Variants in TTN observed in about 807,000 individuals in gnomAD.
TTN encodes the protein connectin.
In TTN, 1,525 loss-of-function variants were observed where a neutral mutation model predicts 3,223.0. The ratio of observed to expected loss-of-function variants is 0.47; its 90% CI spans 0.45 to 0.49. The LOEUF is 0.49. Among genes scored for constraint, TTN ranks in the 20% least tolerant of loss-of-function variants. The pLI is 0.00. For synonymous variants in TTN, 14,094 were observed against 15,161.0 expected (o/e 0.93, Z 5.17); for missense variants, 40,786 against 43,424.0 (o/e 0.94, Z 5.40).
In TTN at chr2:178,800,438, A is replaced by G. The variant is rs547983866; in HGVS notation, c.540T>C (p.Asn180=). The G allele has an allele frequency of 6.2e-7, 1 of 1,614,124 alleles. No individual in the cohort carries two copies. Among genetic ancestry groups the G allele is most frequent in the Non-Finnish European group, 8.5e-7 (1 of 1,179,992 alleles). The change falls in exon 4 of 363, where the codon AAT becomes AAC. Residue 180 remains asparagine (N), a synonymous_variant. Coordinates refer to ENST00000589042, the MANE Select transcript of TTN (RefSeq NM_001267550.2). The part of the protein sequence containing the change: ...DSGTYSVNAT[N]SVGRATSTAE... ...CAGTCGAAGTAGCTCTTCCAACGCT[A>G]TTGGTGGCATTTACTGAATAGGTCC...
chr2:178,538,195 C>T (rs1692545578), intron 354 of TTN: 1 of 479,150 alleles, frequency 2.1e-6, no homozygotes, highest in African/African-American at 2.0e-5. Flanking sequence ...TGTAAATTCT[C>T]TCTATAATTC....
chr2:178,529,928 A>G (rs1176751047), intron 359 of TTN, 32 bp downstream of exon 359: 1 of 1,573,324 alleles, frequency 6.4e-7, no homozygotes, highest in Non-Finnish European at 8.6e-7. Flanking sequence ...TATCTTCTGA[A>G]GAAATGTGGG....
intron 189 of TTN, 73 bp from the exon 190 acceptor site, chr2:178,655,068 CA>C: frequency 9.0e-6 from 4 of 445,376 alleles, no homozygotes; most frequent in Non-Finnish European, 1.5e-5. Context: ...AGCAGCACAT[CA>C]AAAAGCTTAT....
chr2:178,544,013 G>A lies in TTN; in HGVS notation c.96131C>T (p.Pro32044Leu). The A allele has an allele frequency of 1.2e-6, 2 of 1,613,674 alleles. No homozygotes were observed. The change falls in exon 346 of 363, where the codon CCT (proline) becomes CTT (leucine). Residue 32044 changes from proline to leucine, a missense_variant. Physicochemically the swap from Pro to Leu is moderately conservative, Grantham distance 98 (BLOSUM62 -3). Coordinates refer to ENST00000589042, the MANE Select transcript of TTN (RefSeq NM_001267550.2). ...LMVSVSGRPP[P>L]VITWSKQGID... is the part of the protein sequence containing the mutation. ...GCCCTGCTTGCTCCACGTTATGACA[G>A]GAGGTGGTCTTCCAGATACAGACAC...
intron 112 of TTN, among the ~76,000 whole-genome samples, chr2:178,698,107 C>A (rs1346057786): frequency 6.6e-6 from 1 of 152,118 alleles, no homozygotes; most frequent in African/African-American, 2.4e-5. Context: ...ATGGATAGAA[C>A]TGGAGATTAT....
chr2:178,618,627 G>T lies in TTN; in HGVS notation c.46923C>A (p.Asn15641Lys). The T allele has an allele frequency of 6.2e-7, 1 of 1,612,290 alleles. No homozygotes were observed. The highest frequency in any genetic ancestry group is 8.5e-7 in the Non-Finnish European group (1 of 1,179,010). ...DKGRYKIVLQ[N>K]KHGKAEGFIN... The stretch of plus-strand genomic sequence containing the variant: ...TGAATCCTTCTGCTTTTCCATGTTT[G>T]TTCTGAAGCACAATTTTATACCTCC... The change falls in exon 251 of 363, where the codon AAC (asparagine) becomes AAA (lysine). Residue 15641 changes from asparagine (N) to lysine (K), a missense_variant. Asn to Lys is a moderately conservative substitution (Grantham distance 94, BLOSUM62 0). Transcript: ENST00000589042.
In TTN at chr2:178,733,835, A is replaced by T; in HGVS notation, c.15554T>A (p.Val5185Asp). Reference protein sequence around the residue: ...DDLIALGGQTVTLQAAVRGSE... With the variant: ...DDLIALGGQTDTLQAAVRGSE... ...CCCTCTCACAGCAGCTTGCAGGGTA[A>T]CGGTTTGTCCTCCTAGTGCAATCAA... Residue 5185 changes from valine (V) to aspartate (D), a missense_variant, in exon 53 of 363, where the codon GTT becomes GAT. By Grantham distance (152) the Val-to-Asp change is radical. Transcript: ENST00000589042. The T allele has an allele frequency of 6.2e-7, 1 of 1,613,614 alleles. No homozygotes were observed. Among genetic ancestry groups the T allele is most frequent in the Non-Finnish European group, 8.5e-7 (1 of 1,179,616 alleles).
intron 162 of TTN, 114 bp from the exon 163 acceptor site, chr2:178,667,015 G>T (rs2066068115): frequency 3.1e-6 from 3 of 954,704 alleles, no homozygotes; most frequent in Non-Finnish European, 3.0e-6. Context: ...TGTTAGAAAT[G>T]TTATTTTTGT....
intron 320 of TTN, 29 bp from the exon 321 acceptor site, chr2:178,578,744 A>G: frequency 1.2e-6 from 2 of 1,604,312 alleles, no homozygotes; most frequent in Non-Finnish European, 1.7e-6. Flanking sequence ...TGCAAGATTT[A>G]TAATAAGAAG....
chr2:178,576,251 G>A lies in TTN; in HGVS notation c.69881C>T (p.Thr23294Ile). 1 of 1,612,090 alleles carries A rather than the reference G, an allele frequency of 6.2e-7. No individual in the cohort carries two copies. Among genetic ancestry groups the A allele is most frequent in the Middle Eastern group, 1.7e-4 (1 of 6,036 alleles). The part of the protein sequence containing the change: ...DEAWIKDTTG[T>I]ALRITQFVVP... Reference sequence around the variant, plus strand: ...AACGAACTGAGTGATTCTGAGGGCGGTTCCTGTGGTATCTTTTATCCAGGC... The same window carrying A: ...AACGAACTGAGTGATTCTGAGGGCGATTCCTGTGGTATCTTTTATCCAGGC... Residue 23294 changes from threonine (T) to isoleucine (I), a missense_variant, in exon 326 of 363, where the codon ACC becomes ATC. Coordinates refer to ENST00000589042, the MANE Select transcript of TTN (RefSeq NM_001267550.2). This position sits in a 1 kb window ranked among gnomAD's most constrained non-coding sequence, Gnocchi z 4.3.
Position 178,799,547 on chromosome 2 carries a change from G to A in TTN, c.854C>T (p.Pro285Leu). The change falls in exon 6 of 363, where the codon CCC becomes CTC. Residue 285 changes from proline (P) to leucine (L), a missense_variant. Pro to Leu is a moderately conservative substitution (Grantham distance 98). Transcript: ENST00000589042. ...GACCGGGGAAGGGGAGTGTCTTATG[G>A]GCGATGGGGACTGCTGCCGAGCCAG... Reference protein sequence around the residue: ...AQLARQQSPSPIRHSPSPVRH... With the variant: ...AQLARQQSPSLIRHSPSPVRH... The A allele has an allele frequency of 2.5e-6, 4 of 1,614,174 alleles. No homozygotes were observed. Among genetic ancestry groups the A allele is most frequent in the Non-Finnish European group, 3.4e-6 (4 of 1,180,010 alleles).
rs1247053411 is a variant in TTN, at chr2:178,731,602, C to A, written c.17183-19G>T. 6.3e-7 allele frequency: 1 copy of A among 1,580,812 alleles called. No homozygotes were observed. The highest frequency in any genetic ancestry group is 8.6e-7 in the Non-Finnish European group (1 of 1,164,106). ...GGGGGTTCTAACAGAAGAATGAATT[C>A]TCAATCAATATTATCCCTATAGCAA... On this transcript the variant is annotated intron_variant, in intron 58 of 362. Coordinates refer to ENST00000589042, the MANE Select transcript of TTN (RefSeq NM_001267550.2).
chr2:178,599,004 A>G lies in TTN; in HGVS notation c.56706T>C (p.Thr18902=), dbSNP rs1263805001. ...CATATTCTGGCTCTTCCCAGTTGAC[A>G]GTCATGGAGTTACGAGTCACGCTGC... ...TVSSVTRNSM[T]VNWEEPEYDG... Residue 18902 remains threonine (T), a synonymous_variant, in exon 291 of 363, where the codon ACT becomes ACC. Coordinates refer to ENST00000589042, the MANE Select transcript of TTN (RefSeq NM_001267550.2). 5.6e-6 allele frequency: 9 copies of G among 1,606,944 alleles called. No homozygotes were observed. The highest frequency in any genetic ancestry group is 6.8e-6 in the Non-Finnish European group (8 of 1,176,136).
At position 178,530,924 on chromosome 2, in the gene TTN, G is replaced by A. The variant is rs777288531; in HGVS notation, c.105691C>T (p.Pro35231Ser). 5 of 1,613,980 alleles carry A rather than the reference G, an allele frequency of 3.1e-6. No individual in the cohort carries two copies. The South Asian group carries it at 5.5e-5, about 18-fold the overall frequency. Residue 35231 changes from proline (P) to serine (S), a missense_variant, in exon 358 of 363, where the codon CCA (proline) becomes TCA (serine). By Grantham distance (74) the Pro-to-Ser change is moderately conservative. Coordinates refer to ENST00000589042, the MANE Select transcript of TTN (RefSeq NM_001267550.2). The stretch of plus-strand genomic sequence containing the variant: ...GGCTCTGGGGATTTGACTCTTGGTG[G>A]TGATGTCACAGCCTTTTCAGTTACC... ...ARVTEKAVTS[P>S]PRVKSPEPRV... is the part of the protein sequence containing the mutation.
intron 40 of TTN, 39 bp downstream of exon 40, chr2:178,767,720 A>C: frequency 6.2e-7 from 1 of 1,608,084 alleles, no homozygotes; most frequent in Non-Finnish European, 8.5e-7. Context: ...ATTATGGACT[A>C]CTGATGATTT....
Position 178,575,666 on chromosome 2 carries a change from C to A in TTN, c.70466G>T (p.Cys23489Phe). 3.1e-6 allele frequency: 5 copies of A among 1,613,538 alleles called. No individual in the cohort carries two copies. The highest frequency in any genetic ancestry group is 4.2e-6 in the Non-Finnish European group (5 of 1,179,632). ...GGTAACTTTATATGTGCATTTATGGCACTTAGTGGTGGCTGTGGAATAAGA... is the reference window on the plus strand; with the variant it reads ...GGTAACTTTATATGTGCATTTATGGAACTTAGTGGTGGCTGTGGAATAAGA... ...RKSYSTATTK[C>F]HKCTYKVTGL... is the part of the protein sequence containing the mutation. Residue 23489 changes from cysteine to phenylalanine, a missense_variant, in exon 326 of 363, where the codon TGC becomes TTC. Physicochemically the swap from Cys to Phe is radical, Grantham distance 205. Transcript: ENST00000589042. The surrounding 1 kb of genome is among the most constrained non-coding windows in gnomAD (Gnocchi z 4.0).
intron 13 of TTN, among the ~76,000 whole-genome samples, chr2:178,786,402 T>A (rs757990054): frequency 2.6e-5 from 4 of 152,224 alleles, no homozygotes; most frequent in African/African-American, 7.2e-5. Context: ...AATCACAATA[T>A]GAACATAAAA....
chr2:178,578,179 T>C lies in TTN; in HGVS notation c.68336A>G (p.His22779Arg), dbSNP rs2046870032. The change falls in exon 322 of 363, where the codon CAT becomes CGT. Residue 22779 changes from histidine to arginine, a missense_variant. Transcript: ENST00000589042. ...KTGGSPITGYHLEFKERNSLL... is the reference protein window; with the variant it reads ...KTGGSPITGYRLEFKERNSLL... ...GCTGTTTCTTTCCTTGAACTCGAGATGATACCCTACAAAAGACCCAGGGAT... is the reference window on the plus strand; with the variant it reads ...GCTGTTTCTTTCCTTGAACTCGAGACGATACCCTACAAAAGACCCAGGGAT... 6.2e-7 allele frequency: 1 copy of C among 1,611,246 alleles called. No individual in the cohort carries two copies. Among genetic ancestry groups the C allele is most frequent in the Non-Finnish European group, 8.5e-7 (1 of 1,179,174 alleles).
intron 109 of TTN, among the ~76,000 whole-genome samples, 176 bp from the exon 110 acceptor site, chr2:178,701,763 T>A (rs913522824): frequency 3.3e-5 from 5 of 152,236 alleles, no homozygotes; most frequent in African/African-American, 9.6e-5. Context: ...CAGGTAAGTT[T>A]TGTTCACTGT....
Sources: allele counts gnomAD v4.1 joint callset (sites outside exome capture counted in the v4.1 genomes callset), GRCh38; gene constraint gnomAD v4.1.1; non-coding constraint Gnocchi (gnomAD v3.1); transcripts MANE v1.5; gene names NCBI Gene and HGNC (gene_info 2026-07-23, HGNC 2026-07-21).